MAP2: variants seen among roughly 807,000 people sequenced by gnomAD.
The protein encoded by MAP2 is microtubule associated protein 2.
A neutral mutation model predicts 137.6 loss-of-function variants in MAP2; 14 were observed. The observed-to-expected ratio is 0.10, with a 90% CI of 0.07 to 0.16. MAP2 has a LOEUF of 0.16. Among genes scored for constraint, MAP2 ranks in the 10% least tolerant of loss-of-function variants. The pLI is 1.00. For missense variants in MAP2, 2,088 were observed against 2,191.5 expected (o/e 0.95, Z 0.94); for synonymous variants, 786 against 782.3 (o/e 1.00, Z -0.08).
At chr2:209,472,109 A>G (rs188557406) in intron 1 of MAP2, among the ~76,000 whole-genome samples, 39 of 152,294 alleles carry the variant, frequency 2.6e-4, no homozygotes, top group African/African-American at 8.7e-4. Flanking sequence ...TTTTGTATAT[A>G]TGAGGTTTAC....
At chr2:209,490,963 A>G (rs950895788) in intron 1 of MAP2, among the ~76,000 whole-genome samples, 4 of 152,194 alleles carry the variant, frequency 2.6e-5, no homozygotes, top group Non-Finnish European at 4.4e-5. Flanking sequence ...ATATACATCT[A>G]TAGAACTCTC....
At chr2:209,488,132 G>A (rs1184708961) in intron 1 of MAP2, among the ~76,000 whole-genome samples, 1 of 152,180 alleles carries the variant, frequency 6.6e-6, no homozygotes, top group African/African-American at 2.4e-5. Flanking sequence ...GCCCATGGAG[G>A]TCGAGCAGAA....
At chr2:209,669,319 G>A (rs2047739297) in intron 5 of MAP2, among the ~76,000 whole-genome samples, 2 of 152,050 alleles carry the variant, frequency 1.3e-5, no homozygotes, top group African/African-American at 4.8e-5. Flanking sequence ...TTTGAACAAA[G>A]TGATTTTTCC....
chr2:209,662,872 C>A (rs754966987), intron 5 of MAP2, among the ~76,000 whole-genome samples: 7 of 151,932 alleles, frequency 4.6e-5, no homozygotes, highest in South Asian at 2.1e-4. Context: ...GATAAAAAAT[C>A]TAATACTTTT....
intron 2 of MAP2, among the ~76,000 whole-genome samples, chr2:209,539,043 T>C (rs1280992628): frequency 6.6e-6 from 1 of 152,222 alleles, no homozygotes; most frequent in Non-Finnish European, 1.5e-5. Context: ...TGTGTGATCT[T>C]GATATTTAAG....
At chr2:209,599,779 G>C (rs773007289) in intron 3 of MAP2, among the ~76,000 whole-genome samples, 1 of 151,902 alleles carries the variant, frequency 6.6e-6, no homozygotes, top group Non-Finnish European at 1.5e-5. Flanking sequence ...TAATAAGTCC[G>C]TACTTTGAAA....
chr2:209,436,575 C>T (rs1391765136), intron 1 of MAP2, among the ~76,000 whole-genome samples: 1 of 151,658 alleles, frequency 6.6e-6, no homozygotes, highest in East Asian at 1.9e-4. Context: ...ATTATAAAAA[C>T]CATACTGTTA....
At chr2:209,575,083 C>T (rs183337830) in intron 2 of MAP2, among the ~76,000 whole-genome samples, 1 of 152,254 alleles carries the variant, frequency 6.6e-6, no homozygotes, top group East Asian at 1.9e-4. Context: ...CATGATTTAT[C>T]AAACAAACTC....
intron 3 of MAP2, among the ~76,000 whole-genome samples, chr2:209,587,078 T>C (rs555044342): frequency 6.6e-6 from 1 of 152,218 alleles, no homozygotes; most frequent in East Asian, 1.9e-4. Context: ...TTTCGGTGGC[T>C]TGTGTTTGGG....
chr2:209,489,135 A>G (rs767806706), intron 1 of MAP2, among the ~76,000 whole-genome samples: 1 of 152,220 alleles, frequency 6.6e-6, no homozygotes, highest in Non-Finnish European at 1.5e-5. Context: ...CGCTGATGAT[A>G]CCCAGGCAAA....
At chr2:209,504,028 G>A (rs572154018) in intron 1 of MAP2, among the ~76,000 whole-genome samples, 1 of 151,994 alleles carries the variant, frequency 6.6e-6, no homozygotes, top group East Asian at 1.9e-4. Context: ...CCCAGGAGGT[G>A]GAGGTTGCAG....
intron 3 of MAP2, among the ~76,000 whole-genome samples, chr2:209,590,166 T>A (rs1361479773): frequency 6.6e-6 from 1 of 152,036 alleles, no homozygotes; most frequent in Non-Finnish European, 1.5e-5. Context: ...CTGAAGTGTG[T>A]TTATCTGGTC....
At chr2:209,512,588 CACACACACACACAA>C (rs1440939548) in intron 2 of MAP2, among the ~76,000 whole-genome samples, 11 of 84,168 alleles carry the variant, frequency 1.3e-4, no homozygotes, top group Middle Eastern at 6.3e-3. Context: ...CACACACACA[CACACACACACACAA>C]ACACATATAT....
intron 1 of MAP2, among the ~76,000 whole-genome samples, chr2:209,489,220 A>G (rs936147816): frequency 1.3e-5 from 2 of 152,188 alleles, no homozygotes; most frequent in African/African-American, 4.8e-5. Context: ...AAGGAAAACT[A>G]ACAAACAGAA....
chr2:209,458,785 C>T (rs1702111831), intron 1 of MAP2, among the ~76,000 whole-genome samples: 1 of 152,148 alleles, frequency 6.6e-6, no homozygotes, highest in Admixed American at 6.5e-5. Flanking sequence ...GATGCTCCCT[C>T]CACCTGCCTG....
chr2:209,686,980 AC>A (rs2057247649), intron 7 of MAP2, among the ~76,000 whole-genome samples: 1 of 151,998 alleles, frequency 6.6e-6, no homozygotes, highest in East Asian at 1.9e-4. Flanking sequence ...CTTTCTTAAA[AC>A]AGTATACTTT....
At chr2:209,720,618 G>A (rs1300827726) in intron 13 of MAP2, among the ~76,000 whole-genome samples, 2 of 124,490 alleles carry the variant, frequency 1.6e-5, no homozygotes, top group African/African-American at 3.1e-5. Flanking sequence ...CAGCCTGGGT[G>A]ACAGAGCGAT....
intron 2 of MAP2, among the ~76,000 whole-genome samples, chr2:209,550,749 G>T (rs568971352): frequency 3.3e-5 from 5 of 152,208 alleles, no homozygotes; most frequent in Non-Finnish European, 5.9e-5. Flanking sequence ...TAATGGTTTT[G>T]TCATGGATTA....
chr2:209,524,906 G>GAT (rs1427792194), intron 2 of MAP2, among the ~76,000 whole-genome samples: 1 of 152,004 alleles, frequency 6.6e-6, no homozygotes, highest in Admixed American at 6.6e-5. Context: ...CTTACCCCAT[G>GAT]ATAATTAGGG....
Sources: gnomAD v4.1 joint callset for allele counts (sites outside exome capture counted in the v4.1 genomes callset) on GRCh38, gnomAD v4.1.1 for gene constraint, MANE v1.5 for transcripts, NCBI Gene and HGNC (gene_info 2026-07-23, HGNC 2026-07-21) for gene names.